BBOF1: variants seen among roughly 807,000 people sequenced by gnomAD.
BBOF1 encodes basal body orientation factor 1, also known as basal body-orientation factor 1.
In BBOF1, 62 loss-of-function variants were observed where a neutral mutation model predicts 68.0. The observed-to-expected ratio is 0.91, with a 90% CI of 0.74 to 1.13. The LOEUF (loss-of-function observed/expected upper bound fraction) is 1.13, where lower values mean the gene tolerates loss of function less well. Among genes scored for constraint, BBOF1 ranks in the 50% most tolerant of loss-of-function variants. The pLI is 0.00. For synonymous variants in BBOF1, 208 were observed against 198.8 expected, an observed-to-expected ratio of 1.05 and a Z score of -0.39; for missense variants, 534 against 600.1, an observed-to-expected ratio of 0.89 and a Z score of 1.15.
chr14:74,028,193 C>A (rs2059477480), intron 2 of BBOF1, among the ~76,000 whole-genome samples: 1 of 151,872 alleles, frequency 6.6e-6, no homozygotes, highest in African/African-American at 2.4e-5. Context: ...CATGGTGAAA[C>A]CCTGTCTCTA....
chr14:74,030,794 C>T (rs1293077785), intron 3 of BBOF1, among the ~76,000 whole-genome samples: 3 of 151,852 alleles, frequency 2.0e-5, no homozygotes, highest in African/African-American at 7.3e-5. Flanking sequence ...CATGTCTTTT[C>T]CACACTGTCT....
At chr14:74,079,792 C>G (rs1222219922) in intron 10 of BBOF1, among the ~76,000 whole-genome samples, 1 of 152,144 alleles carries the variant, frequency 6.6e-6, no homozygotes, top group Admixed American at 6.5e-5. Flanking sequence ...TGGTCTTGAA[C>G]TCCTGGCCTC....
chr14:74,049,280 T>A (rs1216429061), intron 7 of BBOF1, among the ~76,000 whole-genome samples: 2 of 152,150 alleles, frequency 1.3e-5, no homozygotes, highest in African/African-American at 4.8e-5. Flanking sequence ...TTTGTTACTC[T>A]CTATATAGAA....
intron 4 of BBOF1, among the ~76,000 whole-genome samples, chr14:74,036,422 C>G (rs1053129150): frequency 1.3e-5 from 2 of 152,106 alleles, no homozygotes; most frequent in East Asian, 3.9e-4. Flanking sequence ...GTGGCTCACA[C>G]CTGTAATCCT....
rs1488847351 is a variant in BBOF1, at chr14:74,065,238, G to T, written c.*539G>T. On this transcript the variant is annotated 3_prime_UTR_variant, in exon 12 of 12. Coordinates refer to ENST00000394009, the MANE Select transcript of BBOF1 (RefSeq NM_025057.3). ...GAGCAGTGGCTCCATTGGTGGTGAA[G>T]ATGGCAGTTCCATTTCCATATGGGT... 6.2e-7 allele frequency: 1 copy of T among 1,614,132 alleles called. No individual in the cohort carries two copies. Among genetic ancestry groups the T allele is most frequent in the Admixed American group, 1.7e-5 (1 of 59,988 alleles).
intron 8 of BBOF1, among the ~76,000 whole-genome samples, chr14:74,050,454 G>A (rs2060041566): frequency 6.6e-6 from 1 of 152,040 alleles, no homozygotes; most frequent in Admixed American, 6.6e-5. Context: ...TTTCCCATAG[G>A]TTGTTTTTTA....
intron 8 of BBOF1, among the ~76,000 whole-genome samples, chr14:74,051,355 G>C (rs2060064509): frequency 6.6e-6 from 1 of 151,588 alleles, no homozygotes; most frequent in Admixed American, 6.6e-5. Context: ...AGAGGTTGCA[G>C]TGAGCCAAGA....
Position 74,076,280 on chromosome 14 carries a change from A to C in BBOF1, n.1380-1916A>C, listed in dbSNP as rs576005222. 2.0e-5 allele frequency among the ~76,000 whole-genome samples: 3 copies of C among 152,334 alleles called. No homozygotes were observed. The South Asian group carries it at 6.2e-4, about 32-fold the overall frequency. ...GTGTTGGATAGATAATATTTGATGGAGTAAAATCAGTAAACGGGGAGGATC... is the reference window on the plus strand; with the variant it reads ...GTGTTGGATAGATAATATTTGATGGCGTAAAATCAGTAAACGGGGAGGATC... On this transcript the variant is annotated intron_variant and non_coding_transcript_variant, in intron 9 of 12. Transcript: ENST00000492026.
chr14:74,052,784 T>C (rs920743417), intron 8 of BBOF1, among the ~76,000 whole-genome samples: 1 of 151,650 alleles, frequency 6.6e-6, no homozygotes, highest in Non-Finnish European at 1.5e-5. Context: ...ATCATTTGAG[T>C]CCAGTAGTTA....
intron 9 of BBOF1, among the ~76,000 whole-genome samples, chr14:74,056,276 C>CT (rs2060201972): frequency 6.7e-6 from 1 of 149,624 alleles, no homozygotes; most frequent in Admixed American, 6.8e-5. Flanking sequence ...TCTCGGCTCA[C>CT]TGCAACCTCT....
At chr14:74,061,198 G>A (rs535829874) in intron 11 of BBOF1, among the ~76,000 whole-genome samples, 13 of 152,172 alleles carry the variant, frequency 8.5e-5, no homozygotes, top group African/African-American at 1.4e-4. Context: ...GGCTGGTCTC[G>A]AACTCCCGGC....
chr14:74,050,750 C>T (rs2060048496), intron 8 of BBOF1, among the ~76,000 whole-genome samples: 1 of 152,026 alleles, frequency 6.6e-6, no homozygotes, highest in Non-Finnish European at 1.5e-5. Context: ...CGTTTACTAT[C>T]CTGAGATGAA....
At chr14:74,038,357 G>A (rs2059756870) in intron 4 of BBOF1, among the ~76,000 whole-genome samples, 1 of 152,180 alleles carries the variant, frequency 6.6e-6, no homozygotes, top group East Asian at 1.9e-4. Flanking sequence ...TATACATTCT[G>A]AATTCAAATG....
chr14:74,068,505 C>T (rs3888632), downstream of BBOF1, among the ~76,000 whole-genome samples: 2,029 of 152,208 alleles, frequency 0.013, 44 homozygotes, highest in African/African-American at 0.045. Context: ...CTTTGGGAGG[C>T]CGAGGCGGGC....
At chr14:74,073,972 A>G (rs2139798967) in intron 9 of BBOF1, among the ~76,000 whole-genome samples, 1 of 147,196 alleles carries the variant, frequency 6.8e-6, no homozygotes, top group African/African-American at 2.5e-5. Context: ...TTTCTGAGAT[A>G]TAGCTCACTT....
chr14:74,040,522 T>C, intron 4 of BBOF1, 43 bp from the exon 5 acceptor site: 1 of 1,276,002 alleles, frequency 7.8e-7, no homozygotes, highest in Non-Finnish European at 1.1e-6. Flanking sequence ...ATGACCCCCA[T>C]TTTCTATTGA....
chr14:74,051,396 G>A (rs1362806285), intron 8 of BBOF1, among the ~76,000 whole-genome samples: 1 of 151,642 alleles, frequency 6.6e-6, no homozygotes, highest in Non-Finnish European at 1.5e-5. Context: ...CTGGGCAACA[G>A]AGTGAGACCC....
At chr14:74,071,771 T>A (rs2060552575) in intron 9 of BBOF1, 1 of 1,464,824 alleles carries the variant, frequency 6.8e-7, no homozygotes, top group Admixed American at 1.7e-5. Context: ...TTCACAAGTA[T>A]TAAAAAAGAT....
intron 4 of BBOF1, among the ~76,000 whole-genome samples, chr14:74,039,549 G>A (rs1002202664): frequency 2.4e-4 from 36 of 151,610 alleles, no homozygotes; most frequent in South Asian, 8.3e-4. Context: ...CTGCCTCAGC[G>A]TCCCAAGTAG....
Sources: allele counts gnomAD v4.1 joint callset (sites outside exome capture counted in the v4.1 genomes callset), GRCh38; gene constraint gnomAD v4.1.1; transcripts MANE v1.5; gene names NCBI Gene and HGNC (gene_info 2026-07-23, HGNC 2026-07-21).